The following MAP6 variants were observed in gnomAD, a reference collection of about 807,000 sequenced individuals.
The protein encoded by MAP6 is microtubule associated protein 6.
A neutral mutation model predicts 42.4 loss-of-function variants in MAP6; 26 were observed. That is an observed-to-expected ratio of 0.61 (90% confidence interval 0.45 to 0.85). MAP6 has a LOEUF of 0.85. Among genes scored for constraint, MAP6 ranks in the 40% least tolerant of loss-of-function variants. The pLI is 0.00. For missense variants in MAP6, 966 were observed against 1,099.0 expected (o/e 0.88, Z 1.71); for synonymous variants, 418 against 443.8 (o/e 0.94, Z 0.73).
intron 1 of MAP6, among the ~76,000 whole-genome samples, chr11:75,647,402 G>A (rs369018418): frequency 7.7e-4 from 109 of 141,428 alleles, no homozygotes; most frequent in African/African-American, 2.8e-3. Context: ...CCACGTAGAA[G>A]GGAATACAGA....
Position 75,668,522 on chromosome 11 carries a change from G to T in MAP6, c.-153C>A. 8.7e-7 allele frequency: 1 copy of T among 1,143,348 alleles called. No homozygotes were observed. The highest frequency in any genetic ancestry group is 1.1e-6 in the Non-Finnish European group (1 of 873,844). The allele number at this position is 1,143,348 out of a possible 1,614,324, so 70.8% of individuals were successfully genotyped here. ...GGAGCTAGTTCGCCCTCCTCCCTCA[G>T]CGAGCACCCGGGGAGAGCTGTCCTA... On this transcript the variant is annotated 5_prime_UTR_variant, in exon 1 of 4. The change creates a new upstream start codon in the 5' untranslated region. Coordinates refer to ENST00000304771, the MANE Select transcript of MAP6 (RefSeq NM_033063.2).
chr11:75,604,486 A>T lies in MAP6; in HGVS notation c.1316+1322T>A, dbSNP rs1942721715. 13 of 985,262 alleles carry T rather than the reference A, an allele frequency of 1.3e-5. No individual in the cohort carries two copies. The South Asian group carries it at 5.2e-4, about 39-fold the overall frequency. The allele number at this position is 985,262 out of a possible 1,614,324, so 61.0% of individuals were successfully genotyped here. ...AGCCCAGTGTGTCAGAATGCCGGGG[A>T]CAAGAGGATTTTAAGGACAGGAGAT... is the stretch of plus-strand genomic sequence containing the variant. On this transcript the variant is annotated intron_variant, in intron 3 of 3. Coordinates refer to ENST00000304771, the MANE Select transcript of MAP6 (RefSeq NM_033063.2).
chr11:75,664,485 C>T (rs1244798154), intron 1 of MAP6, among the ~76,000 whole-genome samples: 2 of 152,230 alleles, frequency 1.3e-5, no homozygotes, highest in Non-Finnish European at 2.9e-5. Flanking sequence ...AGACTGTTCA[C>T]ATTGATGTCA....
rs187104726 is a variant in MAP6 at position 75,620,278 on chromosome 11, C to G, written c.906-11956G>C. Among the ~76,000 whole-genome samples the G allele has an allele frequency of 9.1e-3, 1,387 of 151,922 alleles. 23 individuals carry two copies. Among genetic ancestry groups the G allele is most frequent in the African/African-American group, 0.032 (1,329 of 41,426 alleles). On this transcript the variant is annotated intron_variant, in intron 1 of 3. Transcript: ENST00000304771. ...TGAGCCCAGGAGTTTGAGACCAGCC[C>G]GGCCAACATGGTGAAATCCCATCTC...
At chr11:75,607,372 G>T in intron 2 of MAP6, 1 of 985,362 alleles carries the variant, frequency 1.0e-6, no homozygotes, top group Non-Finnish European at 1.2e-6. Flanking sequence ...AATTCCATGG[G>T]GCCTGACATC....
intron 1 of MAP6, among the ~76,000 whole-genome samples, chr11:75,653,657 T>C (rs1229533321): frequency 6.6e-6 from 1 of 152,258 alleles, no homozygotes; most frequent in Non-Finnish European, 1.5e-5. Flanking sequence ...AAATAAATAA[T>C]TTTTGTGTAT....
In MAP6 at chr11:75,604,237, A is replaced by C. The variant is rs1321244019; in HGVS notation, c.1316+1571T>G. On this transcript the variant is annotated intron_variant, in intron 3 of 3. Coordinates refer to ENST00000304771, the MANE Select transcript of MAP6 (RefSeq NM_033063.2). The stretch of plus-strand genomic sequence containing the variant: ...CATGTAGCACACGCCGAATTAATTT[A>C]CAAAAGACTTCTCACTCAGCCCCAA... 4.1e-6 allele frequency: 4 copies of C among 985,782 alleles called. No individual in the cohort carries two copies. In the East Asian group the frequency reaches 3.4e-4, roughly 84 times the overall value. 61.1% of individuals were successfully genotyped at this position (985,782 alleles called of 1,614,324 possible). A position where few individuals can be genotyped will look rare whatever the true frequency, so the allele number is the denominator to read the frequency against.
intron 1 of MAP6, among the ~76,000 whole-genome samples, chr11:75,632,944 C>T (rs1209804818): frequency 6.6e-6 from 1 of 151,970 alleles, no homozygotes; most frequent in African/African-American, 2.4e-5. Context: ...ACCAGCATTC[C>T]AGCTTCTCAT....
intron 1 of MAP6, among the ~76,000 whole-genome samples, chr11:75,629,812 C>T (rs558486160): frequency 2.9e-4 from 44 of 151,906 alleles, no homozygotes; most frequent in Admixed American, 2.3e-3. Context: ...AGGGCATTGC[C>T]GGGAGGGGAG....
chr11:75,608,342 T>C lies in MAP6; in HGVS notation c.906-20A>G. 6.3e-7 allele frequency: 1 copy of C among 1,597,252 alleles called. No homozygotes were observed. The highest frequency in any genetic ancestry group is 1.1e-5 in the South Asian group (1 of 90,698). On this transcript the variant is annotated intron_variant, in intron 1 of 3. Coordinates refer to ENST00000304771, the MANE Select transcript of MAP6 (RefSeq NM_033063.2). ...TCATTCCTGTTAGTCAAAGAAAGCA[T>C]ATGTGATATGAAGCATCATCTGCCT...
At chr11:75,610,385 T>C (rs1163555569) in intron 1 of MAP6, among the ~76,000 whole-genome samples, 5 of 152,222 alleles carry the variant, frequency 3.3e-5, no homozygotes, top group Admixed American at 3.3e-4. Context: ...CATTCATTCA[T>C]TCACGAAATA....
At chr11:75,616,465 A>G (rs1942995402) in intron 1 of MAP6, among the ~76,000 whole-genome samples, 1 of 152,188 alleles carries the variant, frequency 6.6e-6, no homozygotes, top group Non-Finnish European at 1.5e-5. Flanking sequence ...TCTTGTCTAC[A>G]TTTGTTATTG....
chr11:75,625,144 C>T (rs1285639797), intron 1 of MAP6, among the ~76,000 whole-genome samples: 1 of 152,146 alleles, frequency 6.6e-6, no homozygotes, highest in African/African-American at 2.4e-5. Context: ...ACTGACATTT[C>T]TGCAATCCTT....
intron 1 of MAP6, among the ~76,000 whole-genome samples, chr11:75,629,587 T>A (rs1043417822): frequency 1.3e-5 from 2 of 152,226 alleles, no homozygotes; most frequent in Non-Finnish European, 2.9e-5. Flanking sequence ...AGACTGACTT[T>A]ATATTCTTAT....
chr11:75,662,773 A>G (rs1311542650), intron 1 of MAP6, among the ~76,000 whole-genome samples: 4 of 152,180 alleles, frequency 2.6e-5, no homozygotes, highest in Non-Finnish European at 4.4e-5. Flanking sequence ...CCCCAGACCA[A>G]TGAAATCAGA....
In MAP6 at chr11:75,639,618, C is replaced by A. The variant is rs183608249; in HGVS notation, c.905+27847G>T. Among the ~76,000 whole-genome samples the A allele has an allele frequency of 9.9e-5, 15 of 152,256 alleles. No homozygotes were observed. The East Asian group carries it at 2.9e-3, about 29-fold the overall frequency. ...CTGTACTTTCTTTTCAAAGCTAAAC[C>A]CGACTGAAAGGAACTTTTTGTAAAG... On this transcript the variant is annotated intron_variant, in intron 1 of 3. Transcript: ENST00000304771.
At chr11:75,629,646 CT>C (rs1943253567) in intron 1 of MAP6, among the ~76,000 whole-genome samples, 1 of 152,182 alleles carries the variant, frequency 6.6e-6, no homozygotes. Context: ...TATTCCACAG[CT>C]GCTATCACTT....
intron 3 of MAP6, among the ~76,000 whole-genome samples, chr11:75,600,152 G>T (rs1393327941): frequency 2.0e-5 from 3 of 152,048 alleles, no homozygotes; most frequent in African/African-American, 7.3e-5. Flanking sequence ...GGAGGGGAAG[G>T]GCGTGAAGTG....
intron 1 of MAP6, among the ~76,000 whole-genome samples, chr11:75,631,182 G>GT (rs1565269275): frequency 6.6e-6 from 1 of 152,172 alleles, no homozygotes. Context: ...AAACTTAATT[G>GT]TTGATAGGAC....
Sources: gnomAD v4.1 joint callset for allele counts (sites outside exome capture counted in the v4.1 genomes callset) on GRCh38, gnomAD v4.1.1 for gene constraint, MANE v1.5 for transcripts, NCBI Gene and HGNC (gene_info 2026-07-23, HGNC 2026-07-21) for gene names.